Variants in GPIHBP1 observed in about 807,000 individuals in gnomAD.
GPIHBP1 encodes the protein glycosylphosphatidylinositol anchored high density lipoprotein binding protein 1, also known as glycosylphosphatidylinositol-anchored high density lipoprotein-binding protein 1.
GPIHBP1 carries 11 observed loss-of-function variants against 13.0 expected under a neutral mutation model. That is an observed-to-expected ratio of 0.84 (90% CI 0.53 to 1.40). The LOEUF (loss-of-function observed/expected upper bound fraction) is 1.40. GPIHBP1 is among the 40% of genes most tolerant of loss of function. The pLI is 0.00. For synonymous variants in GPIHBP1, 106 were observed against 102.2 expected, an observed-to-expected ratio of 1.04 and a Z score of -0.22; for missense variants, 231 against 241.1, an observed-to-expected ratio of 0.96 and a Z score of 0.28.
Position 143,215,529 on chromosome 8 carries a change from C to CAG in GPIHBP1, c.*11_*12insAG. ...GCCAGGAGACCCTGACCCACGGCCC[C>CAG]TCCCCACCCCCACCCGGCTCACCCC... On this transcript the variant is annotated 3_prime_UTR_variant, in exon 4 of 4. Coordinates refer to ENST00000622500, the MANE Select transcript of GPIHBP1 (RefSeq NM_178172.6). 1 of 1,557,708 alleles carries CAG rather than the reference C, an allele frequency of 6.4e-7. No individual in the cohort carries two copies.
Position 143,214,080 on chromosome 8 carries a change from A to G in GPIHBP1, c.181+130A>G. ...GCCTCCAGCAGAGTGGGGGACACTC[A>G]GTACACCCCTCACTGCTGCTCACCA... On this transcript the variant is annotated intron_variant, in intron 2 of 3. Coordinates refer to ENST00000622500, the MANE Select transcript of GPIHBP1 (RefSeq NM_178172.6). The surrounding 1 kb of genome is among the most constrained non-coding windows in gnomAD (Gnocchi z 4.1). 8.4e-7 allele frequency: 1 copy of G among 1,190,274 alleles called. No homozygotes were observed. The highest frequency in any genetic ancestry group is 1.2e-6 in the Non-Finnish European group (1 of 829,442). 73.7% of individuals were successfully genotyped at this position (1,190,274 alleles called of 1,614,324 possible). A position where few individuals can be genotyped will look rare whatever the true frequency, so the allele number is the denominator to read the frequency against.
rs1317027451 is a variant in GPIHBP1, at chr8:143,214,452, C to T, written c.181+502C>T. ...CACGTGGGCCACCCTCTGCTCTCTCCCATCCCGAGAAAAGCAGAGCAAATC... is the reference window on the plus strand; with the variant it reads ...CACGTGGGCCACCCTCTGCTCTCTCTCATCCCGAGAAAAGCAGAGCAAATC... On this transcript the variant is annotated intron_variant, in intron 2 of 3. Coordinates refer to ENST00000622500, the MANE Select transcript of GPIHBP1 (RefSeq NM_178172.6). This position sits in a 1 kb window ranked among gnomAD's most constrained non-coding sequence, Gnocchi z 4.1. Among the ~76,000 whole-genome samples, 1 of 152,104 alleles carries T rather than the reference C, an allele frequency of 6.6e-6. No individual in the cohort carries two copies. The highest frequency in any genetic ancestry group is 2.4e-5 in the African/African-American group (1 of 41,396).
At position 143,214,848 on chromosome 8, in the gene GPIHBP1, C is replaced by T. The variant is rs549328781; in HGVS notation, c.182-165C>T. 1.3e-5 allele frequency among the ~76,000 whole-genome samples: 2 copies of T among 152,354 alleles called. No individual in the cohort carries two copies. The highest frequency in any genetic ancestry group is 4.1e-4 in the South Asian group (2 of 4,826). ...AACACACAGGCTCACGCACACAGCA[C>T]AGCTTACAGGACCAAGTCAGGGGTC... On this transcript the variant is annotated intron_variant, in intron 2 of 3. Transcript: ENST00000622500. The surrounding 1 kb of genome is among the most constrained non-coding windows in gnomAD (Gnocchi z 4.1).
intron 3 of GPIHBP1, 61 bp downstream of exon 3, chr8:143,215,187 G>C (rs930554936): frequency 6.2e-7 from 1 of 1,611,664 alleles, no homozygotes; most frequent in African/African-American, 1.3e-5. Context: ...CAGGGGCCCG[G>C]AACAGAGCCC....
At position 143,213,965 on chromosome 8, in the gene GPIHBP1, A is replaced by G; in HGVS notation, c.181+15A>G. The G allele has an allele frequency of 6.5e-7, 1 of 1,549,104 alleles. No individual in the cohort carries two copies. Among genetic ancestry groups the G allele is most frequent in the East Asian group, 2.5e-5 (1 of 40,810 alleles). ...CAGGAGCAGAGGTATGGCCGCCCCA[A>G]CCCCAGAGCCCTGCTGCCTGATCTG... On this transcript the variant is annotated intron_variant, in intron 2 of 3. Transcript: ENST00000622500.
intron 1 of GPIHBP1, 42 bp from the exon 2 acceptor site, chr8:143,213,780 T>C (rs1191736773): frequency 1.3e-6 from 2 of 1,566,044 alleles, no homozygotes; most frequent in Admixed American, 3.7e-5. Flanking sequence ...GTGTCCTCCA[T>C]ACCCGGGTAG....
rs1343230629 is a variant in GPIHBP1 at position 143,215,735 on chromosome 8, G to A, written c.*217G>A. The A allele has an allele frequency of 3.0e-5, 18 of 594,586 alleles. No homozygotes were observed. Among genetic ancestry groups the A allele is most frequent in the African/African-American group, 9.3e-5 (5 of 53,744 alleles). 36.8% of individuals were successfully genotyped at this position (594,586 alleles called of 1,614,324 possible). ...ACCACCTGTGAGCAGCAAGACTGCC[G>A]CACGTGGGCGCTGGGTCCAGACCTC... is the stretch of plus-strand genomic sequence containing the variant. On this transcript the variant is annotated 3_prime_UTR_variant, in exon 4 of 4. Transcript: ENST00000622500.
At position 143,213,869 on chromosome 8, in the gene GPIHBP1, G is replaced by C. The variant is rs367902033; in HGVS notation, c.100G>C (p.Gly34Arg). 9.6e-6 allele frequency: 15 copies of C among 1,554,884 alleles called. No individual in the cohort carries two copies. The highest frequency in any genetic ancestry group is 5.9e-5 in the South Asian group (5 of 84,292). The change falls in exon 2 of 4, where the codon GGG (glycine) becomes CGG (arginine). Residue 34 changes from glycine (G) to arginine (R), a missense_variant. By Grantham distance (125) the Gly-to-Arg change is moderately radical. Coordinates refer to ENST00000622500, the MANE Select transcript of GPIHBP1 (RefSeq NM_178172.6). Reference protein sequence around the residue: ...QEEEEEDEDHGPDDYDEEDED... With the variant: ...QEEEEEDEDHRPDDYDEEDED... ...GGAAGAGGAAGAGGACGAGGACCAC[G>C]GGCCAGATGACTACGACGAGGAAGA...
At chr8:143,213,725 T>G in intron 1 of GPIHBP1, 97 bp from the exon 2 acceptor site, 1 of 1,531,564 alleles carries the variant, frequency 6.5e-7, no homozygotes, top group East Asian at 2.5e-5. Flanking sequence ...CGAGGATGGC[T>G]GGGGAGGGCC....
rs78632677 is a variant in GPIHBP1, at chr8:143,215,209, C to T, written c.296-50C>T. The T allele has an allele frequency of 1.5e-3, 2,340 of 1,612,660 alleles. 6 individuals carry two copies. The highest frequency in any genetic ancestry group is 5.5e-3 in the African/African-American group (415 of 75,040). ...CCGGAACAGAGCCCTGCAGAGCCAC[C>T]TCAGAGACCCCGCCCATCCTCAGCA... is the stretch of plus-strand genomic sequence containing the variant. On this transcript the variant is annotated intron_variant, in intron 3 of 3. Transcript: ENST00000622500.
chr8:143,214,089 C>T lies in GPIHBP1; in HGVS notation c.181+139C>T, dbSNP rs1416956006. 9.2e-7 allele frequency: 1 copy of T among 1,090,180 alleles called. No homozygotes were observed. The highest frequency in any genetic ancestry group is 1.3e-6 in the Non-Finnish European group (1 of 740,858). The allele number at this position is 1,090,180 out of a possible 1,614,324, so 67.5% of individuals were successfully genotyped here. ...AGAGTGGGGGACACTCAGTACACCC[C>T]TCACTGCTGCTCACCATGACACTCA... On this transcript the variant is annotated intron_variant, in intron 2 of 3. Coordinates refer to ENST00000622500, the MANE Select transcript of GPIHBP1 (RefSeq NM_178172.6). The surrounding 1 kb of genome is among the most constrained non-coding windows in gnomAD (Gnocchi z 4.1).
intron 1 of GPIHBP1, among the ~76,000 whole-genome samples, 183 bp from the exon 2 acceptor site, chr8:143,213,639 G>A (rs1816254585): frequency 1.9e-5 from 1 of 53,366 alleles, no homozygotes; most frequent in African/African-American, 4.4e-5. Context: ...AGTGAGTAGG[G>A]TGAGTAGGCT....
Position 143,214,250 on chromosome 8 carries a change from A to G in GPIHBP1, c.181+300A>G, listed in dbSNP as rs903286886. ...GGGCCTAGGGTGGAGACACAAGCAC[A>G]GAGGCCCCAGGGTAGGGTTCAGTTT... On this transcript the variant is annotated intron_variant, in intron 2 of 3. Transcript: ENST00000622500. This position sits in a 1 kb window ranked among gnomAD's most constrained non-coding sequence, Gnocchi z 4.1. Among the ~76,000 whole-genome samples, 3 of 152,100 alleles carry G rather than the reference A, an allele frequency of 2.0e-5. No individual in the cohort carries two copies. Among genetic ancestry groups the G allele is most frequent in the African/African-American group, 7.2e-5 (3 of 41,396 alleles).
chr8:143,213,690 G>C, intron 1 of GPIHBP1, 132 bp from the exon 2 acceptor site: 2 of 1,202,056 alleles, frequency 1.7e-6, no homozygotes, highest in Non-Finnish European at 2.3e-6. Context: ...TCAGGGTAGG[G>C]GCCCTCCCCA....
intron 3 of GPIHBP1, 60 bp from the exon 4 acceptor site, chr8:143,215,199 G>T (rs1816285427): frequency 6.2e-7 from 1 of 1,612,094 alleles, no homozygotes; most frequent in African/African-American, 1.3e-5. Flanking sequence ...ACAGAGCCCT[G>T]CAGAGCCACC....
intron 1 of GPIHBP1, 76 bp downstream of exon 1, chr8:143,213,395 C>T (rs180811398): frequency 4.9e-6 from 6 of 1,220,198 alleles, no homozygotes; most frequent in East Asian, 4.8e-5. Flanking sequence ...CCAGGGACCC[C>T]CAGCAGGGGC....
In GPIHBP1 at chr8:143,215,323, G is replaced by A. The variant is rs779774750; in HGVS notation, c.360G>A (p.Thr120=). The A allele has an allele frequency of 5.9e-5, 95 of 1,612,732 alleles. No homozygotes were observed. Among genetic ancestry groups the A allele is most frequent in the Admixed American group, 5.0e-4 (30 of 60,004 alleles). ...CTDSCQPITK[T]VEGTQVTMTC... ...ACAGCTGCCAGCCCATCACCAAGAC[G>A]GTGGAGGGGACCCAGGTGACCATGA... Residue 120 remains threonine (T), a synonymous_variant, in exon 4 of 4, where the codon ACG becomes ACA. Coordinates refer to ENST00000622500, the MANE Select transcript of GPIHBP1 (RefSeq NM_178172.6).
In GPIHBP1 at chr8:143,215,282, T is replaced by G. The variant is rs777039010; in HGVS notation, c.319T>G (p.Ser107Ala). 3.2e-5 allele frequency: 52 copies of G among 1,612,468 alleles called. No homozygotes were observed. The highest frequency in any genetic ancestry group is 4.2e-5 in the Non-Finnish European group (49 of 1,179,922). Residue 107 changes from serine to alanine, a missense_variant, in exon 4 of 4, where the codon TCC becomes GCC. Transcript: ENST00000622500. ...AGAGTCAGGCCTCCTGACCACCCAC[T>G]CCACGTGGTGCACAGACAGCTGCCA... ...NTESGLLTTH[S>A]TWCTDSCQPI...
intron 3 of GPIHBP1, 40 bp downstream of exon 3, chr8:143,215,166 G>T (rs370422727): frequency 1.9e-6 from 3 of 1,608,728 alleles, no homozygotes; most frequent in Admixed American, 3.3e-5. Context: ...ACCCCCAGGC[G>T]GCGGGAAAGC....
Sources: gnomAD v4.1 joint callset for allele counts (sites outside exome capture counted in the v4.1 genomes callset) on GRCh38, gnomAD v4.1.1 for gene constraint, Gnocchi (gnomAD v3.1) non-coding constraint, MANE v1.5 for transcripts, NCBI Gene and HGNC (gene_info 2026-07-23, HGNC 2026-07-21) for gene names.